The following SLC7A9 variants were observed in gnomAD, a reference collection of about 807,000 sequenced individuals.
SLC7A9 encodes the protein solute carrier family 7 member 9.
A neutral mutation model predicts 54.1 loss-of-function variants in SLC7A9; 38 were observed. The observed-to-expected ratio is 0.70, with a 90% CI of 0.54 to 0.92. The LOEUF (loss-of-function observed/expected upper bound fraction) is 0.92. Among genes scored for constraint, SLC7A9 ranks in the 40% least tolerant of loss-of-function variants. The pLI is 0.00. For synonymous variants in SLC7A9, 264 were observed against 258.9 expected, an observed-to-expected ratio of 1.02 and a Z score of -0.19; for missense variants, 537 against 636.1, an observed-to-expected ratio of 0.84 and a Z score of 1.68.
At position 32,846,306 on chromosome 19, in the gene SLC7A9, G is replaced by A. The variant is rs571445213; in HGVS notation, c.978-2355C>T. On this transcript the variant is annotated intron_variant, in intron 9 of 12. Coordinates refer to ENST00000023064, the MANE Select transcript of SLC7A9 (RefSeq NM_014270.5). Reference sequence around the variant, plus strand: ...TGACAGACGGCACCTGGAAAATTGGGTCACTCCCACCCTAATACTGCGCTT... The same window carrying A: ...TGACAGACGGCACCTGGAAAATTGGATCACTCCCACCCTAATACTGCGCTT... Among the ~76,000 whole-genome samples, 29 of 152,248 alleles carry A rather than the reference G, an allele frequency of 1.9e-4. No homozygotes were observed. The South Asian group carries it at 6.0e-3, about 32-fold the overall frequency.
At chr19:32,859,770 CA>C (rs1256805294) in intron 8 of SLC7A9, 70 bp downstream of exon 8, 14 of 1,275,730 alleles carry the variant, frequency 1.1e-5, no homozygotes, top group Non-Finnish European at 1.5e-5. Context: ...AGCTCACCTC[CA>C]GTGCTGACAC....
intron 6 of SLC7A9, among the ~76,000 whole-genome samples, chr19:32,861,751 G>C (rs991192153): frequency 1.3e-5 from 2 of 151,966 alleles, no homozygotes; most frequent in Non-Finnish European, 2.9e-5. Context: ...GGAGCTCAAG[G>C]CTGCAGTGAG....
rs139371642 is a variant in SLC7A9, at chr19:32,835,103, T to G, written c.1225-1780A>C. ...ATCACACCCAGCCCCTGAATTAAACTTTTAATTAATGGATTTTCGGTCTTC... is the reference window on the plus strand; with the variant it reads ...ATCACACCCAGCCCCTGAATTAAACGTTTAATTAATGGATTTTCGGTCTTC... On this transcript the variant is annotated intron_variant, in intron 11 of 12. Coordinates refer to ENST00000023064, the MANE Select transcript of SLC7A9 (RefSeq NM_014270.5). Among the ~76,000 whole-genome samples the G allele has an allele frequency of 3.0e-3, 453 of 152,360 alleles. 6 individuals are homozygous for G. The highest frequency in any genetic ancestry group is 0.01 in the African/African-American group (419 of 41,582).
chr19:32,845,552 A>T (rs1344268374), intron 9 of SLC7A9, among the ~76,000 whole-genome samples: 2 of 152,230 alleles, frequency 1.3e-5, no homozygotes, highest in Non-Finnish European at 2.9e-5. Flanking sequence ...AACATAGCAG[A>T]CAAAAATTGG....
chr19:32,852,824 A>G (rs1335842505), intron 9 of SLC7A9, among the ~76,000 whole-genome samples: 3 of 151,310 alleles, frequency 2.0e-5, no homozygotes, highest in Non-Finnish European at 4.4e-5. Context: ...TTCTAAGTGT[A>G]TAGGGAATGC....
At chr19:32,835,889 C>CTGTGTGTGTGTG (rs1212868987) in intron 11 of SLC7A9, among the ~76,000 whole-genome samples, 2 of 140,864 alleles carry the variant, frequency 1.4e-5, no homozygotes, top group African/African-American at 2.7e-5. Context: ...AATTTATGTA[C>CTGTGTGTGTGTG]TGTGTGTGTG....
intron 12 of SLC7A9, among the ~76,000 whole-genome samples, chr19:32,831,833 G>A (rs1967804714): frequency 6.6e-6 from 1 of 152,242 alleles, no homozygotes; most frequent in South Asian, 2.1e-4. Context: ...ATGCTGCTAG[G>A]CCTCTTAGAT....
At chr19:32,864,420 T>G in intron 3 of SLC7A9, 82 bp from the exon 4 acceptor site, 1 of 1,589,048 alleles carries the variant, frequency 6.3e-7, no homozygotes, top group Non-Finnish European at 8.6e-7. Flanking sequence ...CACCGGAGGC[T>G]GCGCTCGTAT....
At chr19:32,854,985 A>AG (rs2145831209) in intron 9 of SLC7A9, among the ~76,000 whole-genome samples, 1 of 152,336 alleles carries the variant, frequency 6.6e-6, no homozygotes, top group South Asian at 2.1e-4. Flanking sequence ...TCCACATGTC[A>AG]GGTGTCTGCA....
At chr19:32,868,824 G>A (rs898931228) in intron 1 of SLC7A9, among the ~76,000 whole-genome samples, 179 bp from the exon 2 acceptor site, 1 of 152,102 alleles carries the variant, frequency 6.6e-6, no homozygotes, top group Non-Finnish European at 1.5e-5. Flanking sequence ...GACAGGCCCC[G>A]GGAGCCTCCT....
chr19:32,869,389 A>G (rs1969071936), intron 1 of SLC7A9, among the ~76,000 whole-genome samples: 1 of 152,034 alleles, frequency 6.6e-6, no homozygotes, highest in Non-Finnish European at 1.5e-5. Flanking sequence ...TACTTTTTAA[A>G]TTTTTACAAT....
At chr19:32,835,756 A>G (rs1967937373) in intron 11 of SLC7A9, among the ~76,000 whole-genome samples, 1 of 150,720 alleles carries the variant, frequency 6.6e-6, no homozygotes, top group Non-Finnish European at 1.5e-5. Context: ...TTGCTTTTGG[A>G]GTTGTCTATT....
chr19:32,864,915 C>T (rs1467971190), intron 2 of SLC7A9, 139 bp from the exon 3 acceptor site: 18 of 1,071,680 alleles, frequency 1.7e-5, no homozygotes, highest in Non-Finnish European at 2.4e-5. Context: ...TGAGCGGCTG[C>T]CCTGGCAACA....
At chr19:32,835,408 A>G (rs1004115324) in intron 11 of SLC7A9, among the ~76,000 whole-genome samples, 4 of 152,262 alleles carry the variant, frequency 2.6e-5, no homozygotes, top group Non-Finnish European at 5.9e-5. Flanking sequence ...TAATCTTTAC[A>G]ACATAAGTTA....
At chr19:32,863,581 A>C (rs1968870399) in intron 4 of SLC7A9, among the ~76,000 whole-genome samples, 1 of 152,026 alleles carries the variant, frequency 6.6e-6, no homozygotes, top group Non-Finnish European at 1.5e-5. Flanking sequence ...GGCTGATCTC[A>C]AACTCTTGGC....
At chr19:32,836,289 TG>T (rs1286635301) in intron 11 of SLC7A9, among the ~76,000 whole-genome samples, 2 of 152,168 alleles carry the variant, frequency 1.3e-5, no homozygotes, top group African/African-American at 4.8e-5. Flanking sequence ...CCTCAAGTGA[TG>T]CAACCGCCTT....
At position 32,868,486 on chromosome 19, in the gene SLC7A9, G is replaced by T. The variant is rs1394513127; in HGVS notation, c.49C>A (p.Gln17Lys). 1.9e-6 allele frequency: 3 copies of T among 1,613,926 alleles called. No homozygotes were observed. The Admixed American group carries it at 5.0e-5, about 27-fold the overall frequency. ...RKRREDEKSI[Q>K]SQEPKTTSLQ... is the part of the protein sequence containing the mutation. ...CTGGTGGTCTTAGGCTCTTGGCTCT[G>T]GATCGACTTCTCATCCTCTCTCCGC... Residue 17 changes from glutamine (Q) to lysine (K), a missense_variant, in exon 2 of 13, where the codon CAG becomes AAG. Transcript: ENST00000023064.
Position 32,846,926 on chromosome 19 carries a change from G to T in SLC7A9, c.978-2975C>A, listed in dbSNP as rs189026218. On this transcript the variant is annotated intron_variant, in intron 9 of 12. Coordinates refer to ENST00000023064, the MANE Select transcript of SLC7A9 (RefSeq NM_014270.5). ...CTGCTGCTGACACCCAGGCAAAAAG[G>T]GTCTGGAGTAGACCTCTAGAAAACT... Among the ~76,000 whole-genome samples the T allele has an allele frequency of 1.9e-3, 296 of 152,306 alleles. 1 individual carries two copies. Among genetic ancestry groups the T allele is most frequent in the African/African-American group, 6.6e-3 (274 of 41,558 alleles).
chr19:32,833,864 A>G (rs1020128860), intron 11 of SLC7A9, among the ~76,000 whole-genome samples: 4 of 152,118 alleles, frequency 2.6e-5, no homozygotes, highest in Non-Finnish European at 5.9e-5. Flanking sequence ...CGTTGCCTTC[A>G]TTGTTTCATC....
Sources: gnomAD v4.1 joint callset for allele counts (sites outside exome capture counted in the v4.1 genomes callset) on GRCh38, gnomAD v4.1.1 for gene constraint, MANE v1.5 for transcripts, NCBI Gene and HGNC (gene_info 2026-07-23, HGNC 2026-07-21) for gene names.